The following TTC34 variants were observed in gnomAD, a reference collection of about 807,000 sequenced individuals.
TTC34 encodes the protein tetratricopeptide repeat domain 34, also known as tetratricopeptide repeat protein 34.
A neutral mutation model predicts 40.7 loss-of-function variants in TTC34; 44 were observed. The ratio of observed to expected loss-of-function variants is 1.08; its 90% CI spans 0.85 to 1.39. The LOEUF (loss-of-function observed/expected upper bound fraction) is 1.39. Ranked by LOEUF, TTC34 falls within the 40% of genes most tolerant of loss-of-function variation. The pLI, the probability that TTC34 is intolerant of heterozygous loss-of-function variation, is 0.00. For synonymous variants in TTC34, 422 were observed against 398.6 expected, an observed-to-expected ratio of 1.06 and a Z score of -0.70; for missense variants, 884 against 838.0, an observed-to-expected ratio of 1.05 and a Z score of -0.68.
In TTC34 at chr1:2,796,167, G is replaced by A. The variant is rs148261010; in HGVS notation, c.784+3877C>T. Among the ~76,000 whole-genome samples the A allele has an allele frequency of 6.2e-4, 95 of 152,240 alleles. No homozygotes were observed. Among genetic ancestry groups the A allele is most frequent in the African/African-American group, 1.9e-3 (79 of 41,536 alleles). On this transcript the variant is annotated intron_variant, in intron 2 of 8. Coordinates refer to ENST00000401095, the Ensembl canonical transcript of TTC34. This position sits in a 1 kb window ranked among gnomAD's most constrained non-coding sequence, Gnocchi z 4.5. ...GGGGCCTTGGTTTTGGGCTTCCAGCGTCCAGAACTGGAGCTCATTCATTTC... is the reference window on the plus strand; with the variant it reads ...GGGGCCTTGGTTTTGGGCTTCCAGCATCCAGAACTGGAGCTCATTCATTTC...
Position 2,645,396 on chromosome 1 carries a change from G to C in TTC34, c.2394C>G (p.Asp798Glu). 6.5e-7 allele frequency: 1 copy of C among 1,535,794 alleles called. No homozygotes were observed. The highest frequency in any genetic ancestry group is 8.7e-7 in the Non-Finnish European group (1 of 1,146,724). ...CAGCAAGGAGGCCCTGGGTGTCCTT[G>C]TCCTCGAGAGGGGCCCCAGTGTCTG... is the stretch of plus-strand genomic sequence containing the variant. Residue 798 changes from aspartate to glutamate, a missense_variant, in exon 7 of 9, where the codon GAC becomes GAG. Asp to Glu is a conservative substitution (Grantham distance 45). Transcript: ENST00000401095. This position sits in a 1 kb window ranked among gnomAD's most constrained non-coding sequence, Gnocchi z 4.7.
chr1:2,656,485 G>C (rs200262787), intron 6 of TTC34, among the ~76,000 whole-genome samples: 339 of 536 alleles, frequency 0.63, 119 homozygotes, highest in African/African-American at 0.67. Flanking sequence ...CAGCCTGGAA[G>C]AGCACCCACA....
In TTC34 at chr1:2,646,819, C is replaced by T. The variant is rs545742791; in HGVS notation, c.2227-1256G>A. Among the ~76,000 whole-genome samples, 12 of 152,378 alleles carry T rather than the reference C, an allele frequency of 7.9e-5. 2 individuals carry two copies. The South Asian group carries it at 2.1e-3, about 26-fold the overall frequency. On this transcript the variant is annotated intron_variant, in intron 6 of 8. Coordinates refer to ENST00000401095, the Ensembl canonical transcript of TTC34. ...GCATCAGTTCTCTTCAATTTCACCA[C>T]CTTCCCTCAGGATCTGCTGTGGTGT... is the stretch of plus-strand genomic sequence containing the variant.
chr1:2,783,941 GGGGCATTGGCTGCAGGGCAAGA>G (rs946191754), intron 5 of TTC34, among the ~76,000 whole-genome samples, 166 bp from the exon 6 acceptor site: 25 of 152,138 alleles, frequency 1.6e-4, no homozygotes, highest in African/African-American at 6.0e-4. Context: ...GGTGGACTTG[GGGGCATTGGCTGCAGGGCAAGA>G]GGAGCTCAGC....
intron 2 of TTC34, among the ~76,000 whole-genome samples, chr1:2,792,492 A>T (rs1023948847): frequency 2.0e-5 from 3 of 151,932 alleles, no homozygotes; most frequent in Admixed American, 2.0e-4. Context: ...CTTTGTGGAG[A>T]CTCTGGGTTC....
intron 2 of TTC34, among the ~76,000 whole-genome samples, chr1:2,790,925 A>G (rs1203122043): frequency 6.6e-6 from 1 of 152,090 alleles, no homozygotes; most frequent in Non-Finnish European, 1.5e-5. Context: ...CCTGCTGCTT[A>G]CTGAGGGTGG....
At chr1:2,686,775 ATGTGAC>A (rs1640374849) in intron 6 of TTC34, among the ~76,000 whole-genome samples, 1 of 142,222 alleles carries the variant, frequency 7.0e-6, no homozygotes, top group Non-Finnish European at 1.5e-5. Context: ...CCAGGTGAGC[ATGTGAC>A]AGCCTGGATC....
At position 2,750,327 on chromosome 1, in the gene TTC34, C is replaced by A. The variant is rs1409158606; in HGVS notation, c.2226+33282G>T. On this transcript the variant is annotated intron_variant, in intron 6 of 8. Coordinates refer to ENST00000401095, the Ensembl canonical transcript of TTC34. ...CAGACTGGAACTGCACCCCCATGCC[C>A]AGGTGAGCCTCTGACAGCCTTGAAC... Among the ~76,000 whole-genome samples, 2 of 95,680 alleles carry A rather than the reference C, an allele frequency of 2.1e-5. 1 individual carries two copies. The highest frequency in any genetic ancestry group is 3.7e-5 in the Non-Finnish European group (2 of 53,602). 62.8% of individuals were successfully genotyped at this position (95,680 alleles called of 152,430 possible). A position where few individuals can be genotyped will look rare whatever the true frequency, so the allele number is the denominator to read the frequency against.
At chr1:2,751,341 C>G (rs1641312303) in intron 6 of TTC34, among the ~76,000 whole-genome samples, 4 of 142,672 alleles carry the variant, frequency 2.8e-5, no homozygotes, top group Non-Finnish European at 3.0e-5. Flanking sequence ...AGGCGAGCAT[C>G]TGACAGCCTG....
intron 6 of TTC34, among the ~76,000 whole-genome samples, chr1:2,751,787 C>T (rs1473862536): frequency 3.9e-5 from 2 of 51,204 alleles, no homozygotes; most frequent in African/African-American, 2.3e-4. Flanking sequence ...GAGCATCTGA[C>T]AGCCTGGAGC....
intron 6 of TTC34, among the ~76,000 whole-genome samples, chr1:2,684,958 C>A (rs1205102226): frequency 7.0e-6 from 1 of 141,966 alleles, no homozygotes; most frequent in Admixed American, 7.0e-5. Context: ...CCACCCACAC[C>A]CCCAGACGAG....
exon 9 of TTC34, chr1:2,641,347 C>T (rs1638897348): frequency 6.8e-7 from 1 of 1,474,250 alleles, no homozygotes; most frequent in African/African-American, 1.4e-5. Context: ...GTGATTAGGG[C>T]TGGGAGAGGG....
intron 6 of TTC34, among the ~76,000 whole-genome samples, chr1:2,688,582 C>G (rs1489338509): frequency 7.0e-6 from 1 of 142,352 alleles, no homozygotes; most frequent in South Asian, 2.2e-4. Flanking sequence ...TTCCGGCGCG[C>G]ATCCGACAGC....
chr1:2,767,875 C>T (rs537936534), intron 6 of TTC34, among the ~76,000 whole-genome samples: 1 of 149,646 alleles, frequency 6.7e-6, no homozygotes, highest in South Asian at 2.2e-4. Context: ...CAGCCTGAAA[C>T]AGCACCCTCC....
intron 5 of TTC34, among the ~76,000 whole-genome samples, chr1:2,785,474 C>G (rs1434822585): frequency 6.6e-6 from 1 of 152,156 alleles, no homozygotes; most frequent in African/African-American, 2.4e-5. Context: ...CTAGGAAGGG[C>G]TGAGGGGAGC....
intron 6 of TTC34, among the ~76,000 whole-genome samples, chr1:2,777,535 C>A (rs1379182722): frequency 6.6e-6 from 1 of 152,196 alleles, no homozygotes; most frequent in Non-Finnish European, 1.5e-5. Flanking sequence ...AAGAAGCACC[C>A]CTGCATGTTA....
intron 6 of TTC34, among the ~76,000 whole-genome samples, chr1:2,687,148 T>A (rs1333635419): frequency 7.0e-6 from 1 of 141,898 alleles, no homozygotes; most frequent in Non-Finnish European, 1.5e-5. Flanking sequence ...TCTGACAGCC[T>A]GGAACAGTAC....
At chr1:2,683,533 G>C (rs1418784338) in intron 6 of TTC34, among the ~76,000 whole-genome samples, 2 of 138,732 alleles carry the variant, frequency 1.4e-5, no homozygotes, top group Admixed American at 1.4e-4. Context: ...GCATCTGATG[G>C]TCTGGAGCAG....
chr1:2,640,104 A>G (rs1385220190), exon 9 of TTC34: 4 of 152,422 alleles, frequency 2.6e-5, no homozygotes, highest in African/African-American at 9.7e-5. Flanking sequence ...GGGGACAGAA[A>G]TGGGACAAAT....
Sources: gnomAD v4.1 joint callset for allele counts (sites outside exome capture counted in the v4.1 genomes callset) on GRCh38, gnomAD v4.1.1 for gene constraint, Gnocchi (gnomAD v3.1) non-coding constraint, MANE v1.5 for transcripts, NCBI Gene and HGNC (gene_info 2026-07-23, HGNC 2026-07-21) for gene names.